The following GBE1 variants were observed in gnomAD, a reference collection of about 807,000 sequenced individuals.
GBE1 encodes 1,4-alpha-glucan-branching enzyme.
Under a neutral mutation model 88.8 loss-of-function variants are expected in GBE1, and 70 were observed. The ratio of observed to expected loss-of-function variants is 0.79; its 90% CI spans 0.65 to 0.96. The LOEUF is 0.96. Ranked by LOEUF, GBE1 falls within the 40% of genes least tolerant of loss-of-function variation. The pLI, the probability that GBE1 is intolerant of heterozygous loss-of-function variation, is 0.00. For missense variants in GBE1, 872 were observed against 871.0 expected (o/e 1.00, Z -0.01); for synonymous variants, 284 against 300.1 (o/e 0.95, Z 0.56).
Position 81,761,400 on chromosome 3 carries a change from G to A in GBE1, c.118C>T (p.Pro40Ser). Residue 40 changes from proline to serine, a missense_variant, in exon 1 of 16, where the codon CCC (proline) becomes TCC (serine). By Grantham distance (74) the Pro-to-Ser change is moderately conservative. Transcript: ENST00000429644. ...RLLEIDPYLK[P>S]YAVDFQRRYK... ...CTGCGCTGGAAGTCCACGGCGTAGG[G>A]CTTCAAGTACGGGTCGATCTCCAGG... The A allele has an allele frequency of 1.2e-6, 2 of 1,612,952 alleles. No homozygotes were observed. Among genetic ancestry groups the A allele is most frequent in the African/African-American group, 1.3e-5 (1 of 74,882 alleles).
intron 2 of GBE1, among the ~76,000 whole-genome samples, chr3:81,687,368 C>T (rs1477993573): frequency 6.6e-6 from 1 of 152,108 alleles, no homozygotes; most frequent in Non-Finnish European, 1.5e-5. Context: ...GGATCTGTGA[C>T]AGCAATTTCT....
intron 15 of GBE1, among the ~76,000 whole-genome samples, chr3:81,491,685 C>T (rs1428963867): frequency 2.0e-5 from 3 of 151,878 alleles, no homozygotes; most frequent in Non-Finnish European, 4.4e-5. Context: ...TTACTATTTT[C>T]AGTCACTTTA....
In GBE1 at chr3:81,603,338, TAATGA is replaced by T. The variant is rs1431975472; in HGVS notation, c.993-9320_993-9316del. ...ATGAAAATTAAGCATTTGTAATATA[TAATGA>T]AATAACACTGAATTAGAAGTCAAGA... On this transcript the variant is annotated intron_variant, in intron 7 of 15. Coordinates refer to ENST00000429644, the MANE Select transcript of GBE1 (RefSeq NM_000158.4). 4.6e-5 allele frequency among the ~76,000 whole-genome samples: 7 copies of T among 152,250 alleles called. No individual in the cohort carries two copies. In the East Asian group the frequency reaches 1.3e-3, roughly 29 times the overall value.
At chr3:81,761,284 G>C (rs924052978) in intron 1 of GBE1, 91 bp downstream of exon 1, 4 of 1,475,598 alleles carry the variant, frequency 2.7e-6, no homozygotes, top group Admixed American at 2.3e-5. Flanking sequence ...CGGGGTTGGC[G>C]CGCGAGGGCC....
At chr3:81,585,709 T>G (rs1559653224) in intron 10 of GBE1, among the ~76,000 whole-genome samples, 1 of 152,174 alleles carries the variant, frequency 6.6e-6, no homozygotes, top group Non-Finnish European at 1.5e-5. Context: ...ATTAAGCAAG[T>G]ACTGGGAATT....
At chr3:81,607,873 C>A (rs1704124682) in intron 7 of GBE1, among the ~76,000 whole-genome samples, 1 of 152,040 alleles carries the variant, frequency 6.6e-6, no homozygotes, top group Non-Finnish European at 1.5e-5. Flanking sequence ...GAATTTTTAT[C>A]ATTTATTACT....
chr3:81,686,296 CTACTACTG>C (rs1322300737), intron 2 of GBE1, among the ~76,000 whole-genome samples: 29 of 152,052 alleles, frequency 1.9e-4, no homozygotes, highest in African/African-American at 7.0e-4. Flanking sequence ...ACTACAACAT[CTACTACTG>C]CAGGAAGATA....
chr3:81,744,798 C>T (rs887120188), intron 1 of GBE1, among the ~76,000 whole-genome samples: 1 of 152,148 alleles, frequency 6.6e-6, no homozygotes, highest in Non-Finnish European at 1.5e-5. Context: ...TCAAATGATA[C>T]CTTCATTAAA....
chr3:81,511,867 GAAA>G (rs35931209), intron 14 of GBE1, among the ~76,000 whole-genome samples: 2 of 112,486 alleles, frequency 1.8e-5, no homozygotes, highest in Non-Finnish European at 4.1e-5. Context: ...TGTCCTACAA[GAAA>G]AAAAAAAAAA....
At position 81,589,441 on chromosome 3, in the gene GBE1, C is replaced by A. The variant is rs115136835; in HGVS notation, c.1236+1596G>T. Among the ~76,000 whole-genome samples, 159 of 148,684 alleles carry A rather than the reference C, an allele frequency of 1.1e-3. 1 individual carries two copies. The highest frequency in any genetic ancestry group is 2.0e-3 in the Non-Finnish European group (134 of 67,198). On this transcript the variant is annotated intron_variant, in intron 9 of 15. Transcript: ENST00000429644. ...ACATTTGGAAGAGACTCCCGCTAGA[C>A]AGAAAAGTGACGTATTGAAATTGAA...
chr3:81,735,150 T>C (rs1340621627), intron 1 of GBE1, among the ~76,000 whole-genome samples: 1 of 152,130 alleles, frequency 6.6e-6, no homozygotes, highest in Admixed American at 6.5e-5. Flanking sequence ...GGACATGGGG[T>C]GACAAATGTA....
At chr3:81,697,118 C>T (rs1705607242) in intron 2 of GBE1, among the ~76,000 whole-genome samples, 1 of 152,120 alleles carries the variant, frequency 6.6e-6, no homozygotes, top group African/African-American at 2.4e-5. Context: ...CAAGTCTGGG[C>T]CTCCGGAACT....
chr3:81,537,187 TA>T (rs1703089637), intron 12 of GBE1, 92 bp from the exon 13 acceptor site: 1 of 891,222 alleles, frequency 1.1e-6, no homozygotes, highest in East Asian at 3.2e-5. Context: ...TAATGTTTTT[TA>T]AATTTAGTTT....
intron 7 of GBE1, among the ~76,000 whole-genome samples, chr3:81,635,449 C>G (rs983484438): frequency 1.3e-5 from 2 of 152,060 alleles, no homozygotes; most frequent in African/African-American, 4.8e-5. Flanking sequence ...ATAAGAAAAA[C>G]CTATATTTTC....
intron 12 of GBE1, among the ~76,000 whole-genome samples, chr3:81,571,292 A>G (rs1703571291): frequency 6.6e-6 from 1 of 152,230 alleles, no homozygotes; most frequent in Non-Finnish European, 1.5e-5. Flanking sequence ...GAATTAAGGA[A>G]TGAATGAGCA....
chr3:81,552,843 A>G (rs888793476), intron 12 of GBE1, among the ~76,000 whole-genome samples: 9 of 152,216 alleles, frequency 5.9e-5, no homozygotes, highest in Admixed American at 4.6e-4. Context: ...CCTCCTATAT[A>G]CACAGGCTTT....
intron 1 of GBE1, among the ~76,000 whole-genome samples, chr3:81,723,082 G>A (rs1023529625): frequency 3.3e-5 from 5 of 151,578 alleles, no homozygotes; most frequent in African/African-American, 4.8e-5. Flanking sequence ...CGTGGTACCT[G>A]TCTTCAAGAA....
At chr3:81,530,184 ATC>A (rs1406916247) in intron 14 of GBE1, among the ~76,000 whole-genome samples, 1 of 151,498 alleles carries the variant, frequency 6.6e-6, no homozygotes. Flanking sequence ...AAGCATTTCA[ATC>A]TCTCTGTTAA....
In GBE1 at chr3:81,496,727, T is replaced by C. The variant is rs149770999; in HGVS notation, c.2052+2383A>G. Among the ~76,000 whole-genome samples, 26 of 152,342 alleles carry C rather than the reference T, an allele frequency of 1.7e-4. No individual in the cohort carries two copies. In the East Asian group the frequency reaches 3.9e-3, roughly 23 times the overall value. On this transcript the variant is annotated intron_variant, in intron 15 of 15. Coordinates refer to ENST00000429644, the MANE Select transcript of GBE1 (RefSeq NM_000158.4). ...TTTGTTAATGTGATTTTTCTTCCTCTGGCTCTTTGCTGAATAACTTAGGTA... is the reference window on the plus strand; with the variant it reads ...TTTGTTAATGTGATTTTTCTTCCTCCGGCTCTTTGCTGAATAACTTAGGTA...
Sources: gnomAD v4.1 joint callset for allele counts (sites outside exome capture counted in the v4.1 genomes callset) on GRCh38, gnomAD v4.1.1 for gene constraint, MANE v1.5 for transcripts, NCBI Gene and HGNC (gene_info 2026-07-23, HGNC 2026-07-21) for gene names.